RBFOX1: variants seen among roughly 807,000 people sequenced by gnomAD.
The protein encoded by RBFOX1 is RNA binding fox-1 homolog 1, also known as RNA binding protein fox-1 homolog 1.
A neutral mutation model predicts 57.7 loss-of-function variants in RBFOX1; 8 were observed. That is an observed-to-expected ratio of 0.14 (90% confidence interval 0.08 to 0.25). RBFOX1 has a LOEUF of 0.25. Ranked by LOEUF, RBFOX1 falls within the 10% of genes least tolerant of loss-of-function variation. The pLI is 1.00. For missense variants in RBFOX1, 611 were observed against 548.5 expected, an observed-to-expected ratio of 1.11 and a Z score of -1.14; for synonymous variants, 326 against 222.4, an observed-to-expected ratio of 1.47 and a Z score of -4.15.
At chr16:5,275,850 G>C (rs1283509325) in intron 1 of RBFOX1, among the ~76,000 whole-genome samples, 1 of 152,142 alleles carries the variant, frequency 6.6e-6, no homozygotes, top group African/African-American at 2.4e-5. Context: ...CATGACCAAT[G>C]GAACAGAGTA....
At chr16:6,800,996 C>G (rs763144543) in intron 3 of RBFOX1, among the ~76,000 whole-genome samples, 2 of 151,924 alleles carry the variant, frequency 1.3e-5, no homozygotes, top group Non-Finnish European at 2.9e-5. Context: ...AATGTTTGTT[C>G]AATAAATGAA....
chr16:6,545,386 C>A (rs1392598347), intron 2 of RBFOX1, among the ~76,000 whole-genome samples: 1 of 152,184 alleles, frequency 6.6e-6, no homozygotes, highest in Non-Finnish European at 1.5e-5. Context: ...GCCTTTCTCT[C>A]CAACCCCTCT....
intron 4 of RBFOX1, among the ~76,000 whole-genome samples, chr16:7,280,955 ACCTCCCTCCCTCCCTC>A (rs770289984): frequency 3.6e-4 from 32 of 88,462 alleles, no homozygotes; most frequent in East Asian, 6.2e-4. Context: ...TTCCCTACCT[ACCTCCCTCCCTCCCTC>A]CCTCCCTCCC....
intron 4 of RBFOX1, among the ~76,000 whole-genome samples, chr16:7,280,497 C>T (rs544766195): frequency 6.6e-6 from 1 of 152,222 alleles, no homozygotes; most frequent in South Asian, 2.1e-4. Context: ...TGTGCCTCTG[C>T]CATTAGGTCC....
intron 1 of RBFOX1, among the ~76,000 whole-genome samples, chr16:6,093,724 C>T (rs769700402): frequency 1.4e-4 from 21 of 152,020 alleles, no homozygotes; most frequent in African/African-American, 3.6e-4. Context: ...TAGGCTCAAG[C>T]GATCCTTTCT....
intron 4 of RBFOX1, among the ~76,000 whole-genome samples, chr16:7,377,931 G>C (rs140882194): frequency 1.3e-5 from 2 of 152,206 alleles, no homozygotes; most frequent in African/African-American, 4.8e-5. Context: ...AGGAGGTGAT[G>C]TTTTAGCTGG....
chr16:6,930,716 C>A lies in RBFOX1; in HGVS notation c.-15-121341C>A, dbSNP rs141390602. Among the ~76,000 whole-genome samples, 77 of 152,142 alleles carry A rather than the reference C, an allele frequency of 5.1e-4. 3 individuals are homozygous for A. Among genetic ancestry groups the A allele is most frequent in the African/African-American group, 1.8e-3 (76 of 41,520 alleles). On this transcript the variant is annotated intron_variant, in intron 3 of 15. Transcript: ENST00000550418. ...TTAGCCCCTGTGCCTGGCCTAATTC[C>A]CCGTTTTTAAAATGGGTTTAACATC...
intron 4 of RBFOX1, among the ~76,000 whole-genome samples, chr16:7,130,650 C>G (rs557911174): frequency 1.3e-5 from 2 of 152,264 alleles, no homozygotes; most frequent in South Asian, 2.1e-4. Flanking sequence ...AATGACATCT[C>G]CAGTGCCTTT....
intron 2 of RBFOX1, among the ~76,000 whole-genome samples, chr16:6,562,820 G>A (rs946314994): frequency 7.6e-6 from 1 of 130,866 alleles, no homozygotes; most frequent in Non-Finnish European, 1.7e-5. Context: ...TGCAGGCCTT[G>A]ATTCTTGATT....
At chr16:6,823,888 T>C (rs979680018) in intron 3 of RBFOX1, among the ~76,000 whole-genome samples, 5 of 152,076 alleles carry the variant, frequency 3.3e-5, no homozygotes, top group African/African-American at 1.2e-4. Context: ...TACAGATTGC[T>C]GCAAAAAGGA....
At chr16:5,761,604 C>T (rs1051889832) in intron 3 of RBFOX1, among the ~76,000 whole-genome samples, 46 of 152,262 alleles carry the variant, frequency 3.0e-4, no homozygotes, top group Middle Eastern at 3.4e-3. Flanking sequence ...ACCATCAGAT[C>T]TCGTGAGAAC....
At position 5,389,844 on chromosome 16, in the gene RBFOX1, C is replaced by G. The variant is rs952153108; in HGVS notation, c.220-77372C>G. Among the ~76,000 whole-genome samples, 3 of 151,826 alleles carry G rather than the reference C, an allele frequency of 2.0e-5. No individual in the cohort carries two copies. In the South Asian group the frequency reaches 6.3e-4, roughly 32 times the overall value. On this transcript the variant is annotated intron_variant, in intron 1 of 2. Coordinates refer to the RBFOX1 transcript ENST00000585867. ...TCCTGAGTAGCTGGGATTACAGGTG[C>G]CTGCCACCACGACCAGCTAATTTTT...
intron 3 of RBFOX1, among the ~76,000 whole-genome samples, chr16:6,979,112 C>G (rs943092197): frequency 6.6e-6 from 1 of 152,208 alleles, no homozygotes; most frequent in African/African-American, 2.4e-5. Flanking sequence ...ATTATGGGCT[C>G]AGATAAAATT....
intron 2 of RBFOX1, among the ~76,000 whole-genome samples, chr16:5,507,281 G>A (rs2043412059): frequency 6.6e-6 from 1 of 152,134 alleles, no homozygotes; most frequent in Admixed American, 6.5e-5. Context: ...CATGATTGGA[G>A]ATGGTTTCCT....
At chr16:6,492,322 C>A (rs1308127582) in intron 2 of RBFOX1, among the ~76,000 whole-genome samples, 1 of 152,188 alleles carries the variant, frequency 6.6e-6, no homozygotes, top group East Asian at 1.9e-4. Context: ...TGTAATCCAA[C>A]ACTTTGGGAG....
In RBFOX1 at chr16:6,353,797, T is replaced by C. The variant is rs527673503; in HGVS notation, c.-64+36740T>C. 3.9e-5 allele frequency among the ~76,000 whole-genome samples: 6 copies of C among 152,276 alleles called. No homozygotes were observed. In the South Asian group the frequency reaches 8.3e-4, roughly 21 times the overall value. ...CACGTTGAGGAAGATCTGAAGGACATTGGAGTGCCCCTGTCTCTTAAGGCA... is the reference window on the plus strand; with the variant it reads ...CACGTTGAGGAAGATCTGAAGGACACTGGAGTGCCCCTGTCTCTTAAGGCA... On this transcript the variant is annotated intron_variant, in intron 2 of 15. Transcript: ENST00000550418.
intron 3 of RBFOX1, among the ~76,000 whole-genome samples, chr16:6,984,245 C>G (rs767815381): frequency 6.6e-6 from 1 of 152,150 alleles, no homozygotes; most frequent in South Asian, 2.1e-4. Flanking sequence ...AAAACTCCAT[C>G]TTAAACATAA....
intron 1 of RBFOX1, among the ~76,000 whole-genome samples, chr16:6,257,913 G>C (rs967176350): frequency 1.3e-5 from 2 of 152,132 alleles, no homozygotes; most frequent in Middle Eastern, 3.2e-3. Flanking sequence ...ATACTAGAAT[G>C]ATTTATATTC....
intron 2 of RBFOX1, among the ~76,000 whole-genome samples, chr16:6,537,314 G>C (rs148248116): frequency 1.3e-5 from 2 of 152,150 alleles, no homozygotes; most frequent in African/African-American, 4.8e-5. Context: ...GTATTTGTAC[G>C]TGGATGTCTC....
Sources: gnomAD v4.1 joint callset for allele counts (sites outside exome capture counted in the v4.1 genomes callset) on GRCh38, gnomAD v4.1.1 for gene constraint, MANE v1.5 for transcripts, NCBI Gene and HGNC (gene_info 2026-07-23, HGNC 2026-07-21) for gene names.